ADAMTSL3: variants seen among roughly 807,000 people sequenced by gnomAD.
The protein encoded by ADAMTSL3 is ADAMTS like 3, also known as ADAMTS-like protein 3.
ADAMTSL3 carries 128 observed loss-of-function variants against 201.7 expected under a neutral mutation model. The ratio of observed to expected loss-of-function variants is 0.63; its 90% CI spans 0.55 to 0.73. The LOEUF is 0.73. Among genes scored for constraint, ADAMTSL3 ranks in the 30% least tolerant of loss-of-function variants. ADAMTSL3 has a pLI of 0.00. For missense variants in ADAMTSL3, 1,990 were observed against 2,119.6 expected (o/e 0.94, Z 1.20); for synonymous variants, 738 against 748.4 (o/e 0.99, Z 0.23).
chr15:83,735,169 T>C (rs1175401545), intron 3 of ADAMTSL3, among the ~76,000 whole-genome samples: 1 of 151,678 alleles, frequency 6.6e-6, no homozygotes, highest in African/African-American at 2.4e-5. Flanking sequence ...AAACCAGAAG[T>C]AGGTGACAAA....
In ADAMTSL3 at chr15:83,897,846, T is replaced by C; in HGVS notation, c.1468-12T>C. 2 of 1,572,028 alleles carry C rather than the reference T, an allele frequency of 1.3e-6. No homozygotes were observed. Among genetic ancestry groups the C allele is most frequent in the Non-Finnish European group, 1.7e-6 (2 of 1,156,858 alleles). The stretch of plus-strand genomic sequence containing the variant: ...AAAAGAAATGCGTTGGCTTCTCTTT[T>C]CTTCTTTGAAGTGCACAGTGACTTG... On this transcript the variant is annotated splice_polypyrimidine_tract_variant and intron_variant, in intron 13 of 29. Transcript: ENST00000286744.
intron 25 of ADAMTSL3, among the ~76,000 whole-genome samples, chr15:84,018,923 T>C (rs562710780): frequency 3.3e-4 from 50 of 152,058 alleles, no homozygotes; most frequent in African/African-American, 1.2e-3. Context: ...ATTTTAAAGA[T>C]CTCCTTATCA....
chr15:83,872,096 T>C (rs1324293282), intron 9 of ADAMTSL3, among the ~76,000 whole-genome samples: 3 of 152,170 alleles, frequency 2.0e-5, no homozygotes, highest in African/African-American at 7.2e-5. Context: ...GCACAGTGTA[T>C]TGTTTTGTTT....
At position 83,891,453 on chromosome 15, in the gene ADAMTSL3, C is replaced by T. The variant is rs144512205; in HGVS notation, c.1262+74C>T. On this transcript the variant is annotated intron_variant, in intron 12 of 29. Coordinates refer to ENST00000286744, the MANE Select transcript of ADAMTSL3 (RefSeq NM_207517.3). Reference sequence around the variant, plus strand: ...GGAACTGTAGCATCTGTAGCAATAGCCTAAAATGTATGAGGGTTAGATATT... The same window carrying T: ...GGAACTGTAGCATCTGTAGCAATAGTCTAAAATGTATGAGGGTTAGATATT... 540 of 1,256,806 alleles carry T rather than the reference C, an allele frequency of 4.3e-4. 5 individuals carry two copies. In the African/African-American group the frequency reaches 6.8e-3, roughly 16 times the overall value. 77.9% of individuals were successfully genotyped at this position (1,256,806 alleles called of 1,614,324 possible).
chr15:83,773,700 T>C, intron 4 of ADAMTSL3, 50 bp downstream of exon 4: 2 of 1,576,492 alleles, frequency 1.3e-6, no homozygotes, highest in South Asian at 2.4e-5. Flanking sequence ...CCAGTGCCTC[T>C]GGATGGGTGG....
intron 4 of ADAMTSL3, among the ~76,000 whole-genome samples, chr15:83,800,322 G>A (rs1029400022): frequency 2.6e-5 from 4 of 152,096 alleles, no homozygotes; most frequent in Admixed American, 1.3e-4. Context: ...ATTGTAGTGG[G>A]ATTTGTAGGA....
chr15:83,758,394 G>C (rs1006611208), intron 3 of ADAMTSL3, among the ~76,000 whole-genome samples: 1 of 152,172 alleles, frequency 6.6e-6, no homozygotes, highest in Non-Finnish European at 1.5e-5. Flanking sequence ...CTTATTCACT[G>C]TCATGAGAAC....
chr15:83,868,158 C>T (rs1426614548), intron 8 of ADAMTSL3, among the ~76,000 whole-genome samples: 3 of 152,128 alleles, frequency 2.0e-5, no homozygotes, highest in Non-Finnish European at 4.4e-5. Flanking sequence ...CTGGGGTCGC[C>T]TACACACTAA....
chr15:83,752,472 C>A (rs1193081498), intron 3 of ADAMTSL3, among the ~76,000 whole-genome samples: 3 of 152,120 alleles, frequency 2.0e-5, no homozygotes, highest in Non-Finnish European at 4.4e-5. Flanking sequence ...AGTGAATGTT[C>A]ATGTATGCTT....
chr15:83,665,754 G>T (rs2141372423), intron 2 of ADAMTSL3, among the ~76,000 whole-genome samples: 1 of 152,294 alleles, frequency 6.6e-6, no homozygotes. Flanking sequence ...TCTGGAATTT[G>T]TCAGCACTGA....
intron 25 of ADAMTSL3, among the ~76,000 whole-genome samples, chr15:84,019,911 A>AG (rs35816531): frequency 6.6e-6 from 1 of 150,908 alleles, no homozygotes; most frequent in Non-Finnish European, 1.5e-5. Flanking sequence ...AAAAAAAAAA[A>AG]GAAACCAAAT....
At position 83,850,471 on chromosome 15, in the gene ADAMTSL3, T is replaced by C. The variant is rs530716269; in HGVS notation, c.728-8295T>C. ...ATATATGTGTATGTTTATATATGTG[T>C]ATGTATATGGGTGTATAATATTTAT... On this transcript the variant is annotated intron_variant, in intron 7 of 29. Transcript: ENST00000286744. 2.7e-5 allele frequency among the ~76,000 whole-genome samples: 4 copies of C among 150,686 alleles called. No individual in the cohort carries two copies. The South Asian group carries it at 8.3e-4, about 31-fold the overall frequency.
chr15:83,691,458 G>A (rs1030258672), intron 2 of ADAMTSL3, among the ~76,000 whole-genome samples: 1 of 152,178 alleles, frequency 6.6e-6, no homozygotes, highest in Non-Finnish European at 1.5e-5. Context: ...CCAACTGCAA[G>A]CCTGGCTCCC....
At chr15:84,018,161 A>G (rs1164644919) in intron 25 of ADAMTSL3, among the ~76,000 whole-genome samples, 3 of 152,242 alleles carry the variant, frequency 2.0e-5, no homozygotes, top group African/African-American at 7.2e-5. Flanking sequence ...GGAATAGTCA[A>G]ACTCTTGGTT....
chr15:84,019,291 A>C lies in ADAMTSL3; in HGVS notation c.4274-2119A>C, dbSNP rs117529261. Among the ~76,000 whole-genome samples, 74 of 152,288 alleles carry C rather than the reference A, an allele frequency of 4.9e-4. 3 individuals are homozygous for C. The East Asian group carries it at 0.014, about 29-fold the overall frequency. ...TGTGAAGCAACTGAAACGCTCATGCATTGCTTAGTGTGTAAAATGTTTAGA... is the reference window on the plus strand; with the variant it reads ...TGTGAAGCAACTGAAACGCTCATGCCTTGCTTAGTGTGTAAAATGTTTAGA... On this transcript the variant is annotated intron_variant, in intron 25 of 29. Coordinates refer to ENST00000286744, the MANE Select transcript of ADAMTSL3 (RefSeq NM_207517.3).
chr15:83,971,640 TG>T (rs2067199215), intron 20 of ADAMTSL3, among the ~76,000 whole-genome samples: 2 of 149,750 alleles, frequency 1.3e-5, no homozygotes, highest in African/African-American at 4.9e-5. Flanking sequence ...ATGACAGCCA[TG>T]ACAGCAATTG....
chr15:83,923,866 C>G (rs377322981), intron 16 of ADAMTSL3, 38 bp from the exon 17 acceptor site: 1 of 1,610,276 alleles, frequency 6.2e-7, no homozygotes, highest in Non-Finnish European at 8.5e-7. Flanking sequence ...ATAAATTATT[C>G]CATGTCATTT....
intron 28 of ADAMTSL3, among the ~76,000 whole-genome samples, chr15:84,035,379 A>T (rs1479057806): frequency 6.6e-6 from 1 of 152,224 alleles, no homozygotes; most frequent in Non-Finnish European, 1.5e-5. Context: ...AAGTTTCTTC[A>T]GTGGAAGGCT....
At position 83,899,860 on chromosome 15, in the gene ADAMTSL3, G is replaced by A; in HGVS notation, c.1700+129G>A. 2.5e-5 allele frequency: 31 copies of A among 1,242,076 alleles called. 1 individual carries two copies. Among genetic ancestry groups the A allele is most frequent in the Non-Finnish European group, 3.3e-5 (31 of 929,654 alleles). The allele number at this position is 1,242,076 out of a possible 1,614,324, so 76.9% of individuals were successfully genotyped here. A position where few individuals can be genotyped will look rare whatever the true frequency, so the allele number is the denominator to read the frequency against. ...ATGACCTGGATTTACAGACTCTAGA[G>A]AGCTTGAGCTGGCTAGAATTTTTCT... On this transcript the variant is annotated intron_variant, in intron 15 of 29. Transcript: ENST00000286744.
Sources: allele counts gnomAD v4.1 joint callset (sites outside exome capture counted in the v4.1 genomes callset), GRCh38; gene constraint gnomAD v4.1.1; transcripts MANE v1.5; gene names NCBI Gene and HGNC (gene_info 2026-07-23, HGNC 2026-07-21).